TCF7: variants seen among roughly 807,000 people sequenced by gnomAD.
The protein encoded by TCF7 is T-cell-factor-7.
TCF7 carries 19 observed loss-of-function variants against 46.8 expected under a neutral mutation model. The observed-to-expected ratio is 0.41, with a 90% CI of 0.28 to 0.60. The LOEUF (loss-of-function observed/expected upper bound fraction) is 0.60, where lower values mean the gene tolerates loss of function less well. Ranked by LOEUF, TCF7 falls within the 20% of genes least tolerant of loss-of-function variation. TCF7 has a pLI of 0.35. For synonymous variants in TCF7, 245 were observed against 213.4 expected (o/e 1.15, Z -1.29); for missense variants, 547 against 504.6 (o/e 1.08, Z -0.81).
intron 3 of TCF7, among the ~76,000 whole-genome samples, chr5:134,124,862 AT>A (rs1757130669): frequency 6.6e-6 from 1 of 152,104 alleles, no homozygotes; most frequent in African/African-American, 2.4e-5. Flanking sequence ...CCACTCCACC[AT>A]GTCTGAGCTG....
At position 134,114,943 on chromosome 5, in the gene TCF7, G is replaced by A. The variant is rs1237423250; in HGVS notation, c.37G>A (p.Gly13Ser). Residue 13 changes from glycine (G) to serine (S), a missense_variant, in exon 1 of 10, where the codon GGC becomes AGC. By Grantham distance (56) the Gly-to-Ser change is moderately conservative. Coordinates refer to ENST00000342854, the MANE Select transcript of TCF7 (RefSeq NM_003202.5). ...QLDSGGGGAG[G>S]GDDLGAPDEL... ...GGACTCCGGCGGGGGCGGCGCGGGC[G>A]GCGGCGACGACCTCGGCGCGCCGGA... 3 of 1,115,266 alleles carry A rather than the reference G, an allele frequency of 2.7e-6. No homozygotes were observed. Among genetic ancestry groups the A allele is most frequent in the South Asian group, 2.2e-5 (1 of 45,062 alleles). 69.1% of individuals were successfully genotyped at this position (1,115,266 alleles called of 1,614,324 possible). A position where few individuals can be genotyped will look rare whatever the true frequency, so the allele number is the denominator to read the frequency against.
Position 134,129,911 on chromosome 5 carries a change from A to G in TCF7, c.442-8148A>G, listed in dbSNP as rs74806045. On this transcript the variant is annotated intron_variant, in intron 3 of 9. Coordinates refer to ENST00000342854, the MANE Select transcript of TCF7 (RefSeq NM_003202.5). ...GCCTTGTGCCAGCAGGTGAGACTGA[A>G]GCCTCTTGGTCCAGGAGGGTGTGGC... 9.8e-3 allele frequency among the ~76,000 whole-genome samples: 1,494 copies of G among 152,334 alleles called. 87 individuals are homozygous for G. Among genetic ancestry groups the G allele is most frequent in the East Asian group, 0.077 (396 of 5,176 alleles).
chr5:134,111,441 T>C (rs1054401889), upstream of TCF7, among the ~76,000 whole-genome samples: 8 of 152,144 alleles, frequency 5.3e-5, no homozygotes, highest in African/African-American at 9.7e-5. Flanking sequence ...CCACAGCAGA[T>C]TGCACTCACT....
intron 3 of TCF7, among the ~76,000 whole-genome samples, chr5:134,126,847 A>G (rs1757413701): frequency 6.6e-6 from 1 of 152,092 alleles, no homozygotes; most frequent in Non-Finnish European, 1.5e-5. Flanking sequence ...CAGTGAGCCA[A>G]GATTGCACCA....
chr5:134,138,986 T>C lies in TCF7; in HGVS notation c.583T>C (p.Phe195Leu). ...TCTGCAGACCCCTGACCTCTCTGGC[T>C]TCTACTCCCTGACCTCAGGCAGCAT... ...RPLQTPDLSG[F>L]YSLTSGSMGQ... The change falls in exon 5 of 10, where the codon TTC (phenylalanine) becomes CTC (leucine). Residue 195 changes from phenylalanine (F) to leucine (L), a missense_variant. By Grantham distance (22) the Phe-to-Leu change is conservative. Transcript: ENST00000342854. 1 of 1,614,020 alleles carries C rather than the reference T, an allele frequency of 6.2e-7. No homozygotes were observed. The highest frequency in any genetic ancestry group is 1.1e-5 in the South Asian group (1 of 91,086).
chr5:134,115,190 G>GTCGCC (rs1409692002), intron 1 of TCF7, 35 bp downstream of exon 1: 17 of 1,086,810 alleles, frequency 1.6e-5, no homozygotes, highest in Non-Finnish European at 1.7e-5. Flanking sequence ...CTCCCCCGCG[G>GTCGCC]TCGCCGCGCC....
At chr5:134,111,242 A>G (rs116639869), upstream of TCF7, among the ~76,000 whole-genome samples, 160 of 152,296 alleles carry the variant, frequency 1.1e-3, no homozygotes, top group Middle Eastern at 3.4e-3. Context: ...TGCTCCAACA[A>G]CCCTCAAGCC....
chr5:134,142,964 AC>A (rs1407733901), intron 7 of TCF7, 28 bp from the exon 8 acceptor site: 5 of 1,612,768 alleles, frequency 3.1e-6, no homozygotes, highest in Non-Finnish European at 3.4e-6. Flanking sequence ...TCCCTGATGC[AC>A]CCCACCTGCC....
At chr5:134,130,006 G>T (rs568146065) in intron 3 of TCF7, among the ~76,000 whole-genome samples, 12 of 152,354 alleles carry the variant, frequency 7.9e-5, no homozygotes, top group Admixed American at 3.9e-4. Flanking sequence ...TGTGCTTTGT[G>T]GTGGGCGTCT....
chr5:134,128,434 C>T (rs75693114), intron 3 of TCF7, among the ~76,000 whole-genome samples: 2,544 of 151,998 alleles, frequency 0.017, 42 homozygotes, highest in Non-Finnish European at 0.025. Flanking sequence ...CGCCTTGTTT[C>T]CCTTTGGATA....
chr5:134,135,268 A>C (rs1758700843), intron 3 of TCF7, among the ~76,000 whole-genome samples: 1 of 152,056 alleles, frequency 6.6e-6, no homozygotes, highest in South Asian at 2.1e-4. Flanking sequence ...GCCCACAGAG[A>C]ATTTTGTAGG....
intron 1 of TCF7, 76 bp downstream of exon 1, chr5:134,115,231 G>T: frequency 7.7e-7 from 1 of 1,300,364 alleles, no homozygotes; most frequent in Non-Finnish European, 9.9e-7. Context: ...GGCCCTCGGG[G>T]TCTCCAGCGC....
At chr5:134,145,010 G>A (rs935205868) in intron 9 of TCF7, 17 of 728,638 alleles carry the variant, frequency 2.3e-5, no homozygotes, top group Non-Finnish European at 4.2e-5. Flanking sequence ...CAGGCCTCCT[G>A]AGAATAGTAG....
chr5:134,116,407 A>C (rs1252699874), intron 3 of TCF7, among the ~76,000 whole-genome samples: 1 of 152,300 alleles, frequency 6.6e-6, no homozygotes, highest in East Asian at 1.9e-4. Context: ...TAACTTTCTA[A>C]CTAGCCCAGG....
At chr5:134,110,771 T>C (rs1280966949), upstream of TCF7, among the ~76,000 whole-genome samples, 1 of 152,258 alleles carries the variant, frequency 6.6e-6, no homozygotes, top group Non-Finnish European at 1.5e-5. Context: ...TGAGACGTTT[T>C]CTGGAAATGC....
chr5:134,108,862 C>T, the TCF7 span, among the ~76,000 whole-genome samples: 1 of 152,190 alleles, frequency 6.6e-6, no homozygotes, highest in African/African-American at 2.4e-5. Flanking sequence ...CAGAGTGTGG[C>T]TTACTGCCCC....
intron 1 of TCF7, 26 bp downstream of exon 1, chr5:134,115,181 T>C (rs896569683): frequency 1.9e-6 from 2 of 1,057,024 alleles, no homozygotes; most frequent in Non-Finnish European, 2.3e-6. Flanking sequence ...CGCCGGCTCC[T>C]CCCCCGCGGT....
rs1760035822 is a variant in TCF7 at position 134,142,737 on chromosome 5, T to G, written c.772T>G (p.Ser258Ala). ...GCCCCTCAGGAAGACACAAGCAGAG[T>G]CCAAGGCAGAGAAGGAGGCCAAGAA... ...FDRNLKTQAE[S>A]KAEKEAKKPT... Residue 258 changes from serine (S) to alanine (A), a missense_variant, in exon 7 of 10, where the codon TCC becomes GCC. Ser to Ala is a moderately conservative substitution (Grantham distance 99). Around this residue, in one of 3 missense-constraint regions of TCF7, gnomAD observed 425 missense variants for 349.9 expected, o/e 1.21. Transcript: ENST00000342854. The G allele has an allele frequency of 6.2e-7, 1 of 1,613,024 alleles. No homozygotes were observed. The highest frequency in any genetic ancestry group is 1.3e-5 in the African/African-American group (1 of 74,468).
chr5:134,115,481 TC>T, intron 2 of TCF7, 94 bp downstream of exon 2: 4 of 1,507,196 alleles, frequency 2.7e-6, no homozygotes, highest in Middle Eastern at 2.2e-4. Context: ...GCCGGGTGCC[TC>T]CCCCACCGCA....
Sources: allele counts gnomAD v4.1 joint callset (sites outside exome capture counted in the v4.1 genomes callset), GRCh38; gene constraint gnomAD v4.1.1; regional missense constraint gnomAD v4.1.1; transcripts MANE v1.5; gene names NCBI Gene and HGNC (gene_info 2026-07-23, HGNC 2026-07-21).